ARHGAP42: variants seen among roughly 807,000 people sequenced by gnomAD.
ARHGAP42 encodes the protein Rho GTPase activating protein 42, also known as rho GTPase-activating protein 42.
Under a neutral mutation model 125.0 loss-of-function variants are expected in ARHGAP42, and 63 were observed. That is an observed-to-expected ratio of 0.50 (90% CI 0.41 to 0.62). The LOEUF is 0.62. ARHGAP42 is among the 20% of genes least tolerant of loss of function. ARHGAP42 has a pLI of 0.00. For synonymous variants in ARHGAP42, 339 were observed against 351.0 expected, an observed-to-expected ratio of 0.97 and a Z score of 0.38; for missense variants, 766 against 1,024.2, an observed-to-expected ratio of 0.75 and a Z score of 3.44.
intron 5 of ARHGAP42, among the ~76,000 whole-genome samples, chr11:100,914,117 T>A (rs1238432004): frequency 6.6e-6 from 1 of 152,070 alleles, no homozygotes; most frequent in Admixed American, 6.6e-5. Flanking sequence ...GTATTTTTAA[T>A]GGAGACGGGG....
At chr11:100,987,177 T>C (rs1024018558) in intron 22 of ARHGAP42, among the ~76,000 whole-genome samples, 5 of 152,218 alleles carry the variant, frequency 3.3e-5, no homozygotes, top group Admixed American at 3.3e-4. Flanking sequence ...CGTTCCTACA[T>C]AGCTGTAAAA....
intron 2 of ARHGAP42, among the ~76,000 whole-genome samples, chr11:100,793,275 C>T (rs1175934344): frequency 6.6e-6 from 1 of 152,118 alleles, no homozygotes; most frequent in Non-Finnish European, 1.5e-5. Context: ...ATATAATATG[C>T]TGTTATACAC....
At chr11:100,770,542 G>T in intron 2 of ARHGAP42, 104 bp downstream of exon 2, 2 of 898,420 alleles carry the variant, frequency 2.2e-6, no homozygotes, top group South Asian at 4.3e-5. Flanking sequence ...TTCTGACTTT[G>T]ACAATACTAT....
At chr11:100,913,354 A>G (rs1473572076) in intron 4 of ARHGAP42, 98 bp from the exon 5 acceptor site, 22 of 398,346 alleles carry the variant, frequency 5.5e-5, no homozygotes, top group Middle Eastern at 9.4e-4. Flanking sequence ...CACTGTCTTT[A>G]TTAAATAATT....
At chr11:100,904,204 T>A (rs1290351085) in intron 4 of ARHGAP42, among the ~76,000 whole-genome samples, 2 of 152,068 alleles carry the variant, frequency 1.3e-5, no homozygotes, top group Non-Finnish European at 2.9e-5. Context: ...AAAGTGGCAT[T>A]ACAAATATCG....
intron 2 of ARHGAP42, among the ~76,000 whole-genome samples, chr11:100,790,236 A>G (rs1190218239): frequency 6.6e-6 from 1 of 152,196 alleles, no homozygotes; most frequent in Non-Finnish European, 1.5e-5. Context: ...ATATTGGCAA[A>G]TATAGAAGCT....
At chr11:100,688,450 G>T (rs1861128092) in intron 1 of ARHGAP42, among the ~76,000 whole-genome samples, 2 of 152,164 alleles carry the variant, frequency 1.3e-5, no homozygotes, top group Non-Finnish European at 2.9e-5. Flanking sequence ...TCATTGGGAT[G>T]AAAGTTAAGG....
At chr11:100,803,093 A>T (rs1863900808) in intron 3 of ARHGAP42, among the ~76,000 whole-genome samples, 1 of 151,988 alleles carries the variant, frequency 6.6e-6, no homozygotes, top group Non-Finnish European at 1.5e-5. Context: ...CTGGTGGGGG[A>T]TGTTGCTGTT....
chr11:100,708,001 G>C (rs1186473583), intron 1 of ARHGAP42, among the ~76,000 whole-genome samples: 1 of 152,086 alleles, frequency 6.6e-6, no homozygotes, highest in Admixed American at 6.5e-5. Flanking sequence ...ATCTATTCAG[G>C]AAATACTTAT....
intron 12 of ARHGAP42, among the ~76,000 whole-genome samples, chr11:100,953,317 G>T (rs1474049876): frequency 2.0e-5 from 3 of 152,036 alleles, no homozygotes; most frequent in Admixed American, 1.3e-4. Flanking sequence ...AAATACTCTT[G>T]TTGTCCTTTG....
chr11:100,874,250 T>C (rs1408210189), intron 4 of ARHGAP42, among the ~76,000 whole-genome samples: 2 of 152,126 alleles, frequency 1.3e-5, no homozygotes, highest in Non-Finnish European at 2.9e-5. Context: ...CCCATGACAG[T>C]GAGAGCTCAC....
chr11:100,962,625 C>G (rs1336577689), intron 16 of ARHGAP42, among the ~76,000 whole-genome samples, 158 bp downstream of exon 16: 1 of 152,056 alleles, frequency 6.6e-6, no homozygotes, highest in Non-Finnish European at 1.5e-5. Context: ...ACCTGTAATT[C>G]CAGCACTTTG....
intron 6 of ARHGAP42, among the ~76,000 whole-genome samples, chr11:100,923,225 A>G (rs531496983): frequency 2.0e-5 from 3 of 152,238 alleles, no homozygotes; most frequent in Non-Finnish European, 4.4e-5. Context: ...TCTTGCTAGC[A>G]AACTACTTCC....
chr11:100,701,606 C>T (rs1180451428), intron 1 of ARHGAP42, among the ~76,000 whole-genome samples: 1 of 152,192 alleles, frequency 6.6e-6, no homozygotes, highest in East Asian at 1.9e-4. Context: ...ACCTCTTGAA[C>T]CAACCTCCGC....
intron 4 of ARHGAP42, among the ~76,000 whole-genome samples, chr11:100,888,098 C>T (rs981720325): frequency 6.6e-6 from 1 of 152,146 alleles, no homozygotes; most frequent in Non-Finnish European, 1.5e-5. Flanking sequence ...GCAGAAACTT[C>T]TTCATGGTGG....
At chr11:100,837,666 CTTTTTTTTTTTTTTT>C (rs373059302) in intron 3 of ARHGAP42, among the ~76,000 whole-genome samples, 5 of 61,042 alleles carry the variant, frequency 8.2e-5, no homozygotes, top group African/African-American at 2.1e-4. Flanking sequence ...AGGTGTCATC[CTTTTTTTTTTTTTTT>C]TTTTTTTTTT....
intron 1 of ARHGAP42, among the ~76,000 whole-genome samples, chr11:100,710,458 A>T (rs1338109676): frequency 6.7e-6 from 1 of 148,544 alleles, no homozygotes; most frequent in African/African-American, 2.5e-5. Flanking sequence ...GCTGGTCTTG[A>T]ACTCCTGACC....
At chr11:100,911,376 G>A (rs778854415) in intron 4 of ARHGAP42, among the ~76,000 whole-genome samples, 43 of 152,046 alleles carry the variant, frequency 2.8e-4, no homozygotes, top group Non-Finnish European at 5.9e-4. Flanking sequence ...ATGAACCCTA[G>A]TAGAGACCCA....
intron 1 of ARHGAP42, among the ~76,000 whole-genome samples, chr11:100,751,605 A>C (rs1862459652): frequency 6.6e-6 from 1 of 151,756 alleles, no homozygotes; most frequent in African/African-American, 2.4e-5. Context: ...TGGAGGTCCC[A>C]GCCTTGACAG....
Sources: gnomAD v4.1 joint callset for allele counts (sites outside exome capture counted in the v4.1 genomes callset) on GRCh38, gnomAD v4.1.1 for gene constraint, MANE v1.5 for transcripts, NCBI Gene and HGNC (gene_info 2026-07-23, HGNC 2026-07-21) for gene names.